The following POLN variants were observed in gnomAD, a reference collection of about 807,000 sequenced individuals.
The protein encoded by POLN is DNA polymerase nu.
In POLN, 108 loss-of-function variants were observed where a neutral mutation model predicts 113.5. That is an observed-to-expected ratio of 0.95 (90% CI 0.81 to 1.12). POLN has a LOEUF of 1.12. POLN is among the 50% of genes most tolerant of loss of function. POLN has a pLI of 0.00. For synonymous variants in POLN, 386 were observed against 391.5 expected, an observed-to-expected ratio of 0.99 and a Z score of 0.17; for missense variants, 1,097 against 1,077.1, an observed-to-expected ratio of 1.02 and a Z score of -0.26.
intron 16 of POLN, among the ~76,000 whole-genome samples, chr4:2,135,574 T>G: frequency 6.6e-6 from 1 of 152,170 alleles, no homozygotes; most frequent in Non-Finnish European, 1.5e-5. Context: ...GGTGTCTACG[T>G]GAGCAATTAG....
At chr4:2,138,629 C>T (rs996527975) in intron 16 of POLN, among the ~76,000 whole-genome samples, 1 of 152,114 alleles carries the variant, frequency 6.6e-6, no homozygotes, top group Non-Finnish European at 1.5e-5. Context: ...CAGCCAGGCA[C>T]GGTGGCTCAT....
In POLN at chr4:2,072,985, A is replaced by G. The variant is rs1730187653; in HGVS notation, c.2500T>C (p.Leu834=). ...CCCCTCACCTGAAGCTGCAGCTCCA[A>G]TGCCTGCACCTGTTCCAAGGACTCC... ...TMESLEQVQA[L]ELQLQVPLKV... The change falls in exon 25 of 26, where the codon TTG becomes CTG. Residue 834 remains leucine, a synonymous_variant. Coordinates refer to ENST00000511885, the MANE Select transcript of POLN (RefSeq NM_181808.4). 2.5e-6 allele frequency: 4 copies of G among 1,613,438 alleles called. No individual in the cohort carries two copies. Among genetic ancestry groups the G allele is most frequent in the Non-Finnish European group, 8.5e-7 (1 of 1,179,900 alleles).
At chr4:2,163,253 G>T (rs1732646200) in intron 13 of POLN, among the ~76,000 whole-genome samples, 1 of 152,198 alleles carries the variant, frequency 6.6e-6, no homozygotes, top group African/African-American at 2.4e-5. Flanking sequence ...TGCAGTTTTT[G>T]TAGAAAAGCT....
chr4:2,155,153 G>C (rs1732392122), intron 16 of POLN, among the ~76,000 whole-genome samples: 2 of 152,206 alleles, frequency 1.3e-5, no homozygotes, highest in African/African-American at 4.8e-5. Context: ...TCTTAGATAA[G>C]AAGTATCAAC....
At chr4:2,125,556 C>T (rs1194175154) in intron 19 of POLN, among the ~76,000 whole-genome samples, 1 of 152,190 alleles carries the variant, frequency 6.6e-6, no homozygotes, top group African/African-American at 2.4e-5. Flanking sequence ...CTGCCACCAC[C>T]TTGCAACTTC....
At chr4:2,119,298 T>A (rs1370312952) in intron 19 of POLN, among the ~76,000 whole-genome samples, 1 of 152,270 alleles carries the variant, frequency 6.6e-6, no homozygotes, top group Non-Finnish European at 1.5e-5. Context: ...ATAAAACTTT[T>A]AGGAATTCAC....
intron 19 of POLN, among the ~76,000 whole-genome samples, chr4:2,121,734 ATT>A (rs1731448717): frequency 6.6e-6 from 1 of 151,356 alleles, no homozygotes; most frequent in Admixed American, 6.6e-5. Flanking sequence ...ATCTATTTTC[ATT>A]TTTTGTCATC....
At chr4:2,140,600 AGC>A (rs1287746038) in intron 16 of POLN, among the ~76,000 whole-genome samples, 2 of 152,118 alleles carry the variant, frequency 1.3e-5, no homozygotes, top group African/African-American at 2.4e-5. Flanking sequence ...TACAAAAATT[AGC>A]CAGGTATGGT....
At chr4:2,240,550 T>C in intron 2 of POLN, 6 of 1,613,658 alleles carry the variant, frequency 3.7e-6, no homozygotes, top group Non-Finnish European at 5.1e-6. Flanking sequence ...CTCAGAGATT[T>C]GTGGCTAGTT....
At chr4:2,092,195 AGG>A (rs1000881051) in intron 20 of POLN, among the ~76,000 whole-genome samples, 1 of 152,128 alleles carries the variant, frequency 6.6e-6, no homozygotes, top group Non-Finnish European at 1.5e-5. Context: ...CCTCGGGAAC[AGG>A]CACTGAGCCA....
chr4:2,097,419 C>T (rs139973981), intron 19 of POLN, among the ~76,000 whole-genome samples: 4 of 150,014 alleles, frequency 2.7e-5, no homozygotes, highest in African/African-American at 7.4e-5. Context: ...GGTGCGATCT[C>T]GACTCACTGC....
chr4:2,238,831 T>C (rs762675689), intron 2 of POLN: 1 of 1,613,374 alleles, frequency 6.2e-7, no homozygotes, highest in South Asian at 1.1e-5. Context: ...TTAATTGATT[T>C]AAAACTAACT....
chr4:2,159,117 T>A (rs748232292), intron 14 of POLN, 38 bp downstream of exon 14: 9 of 1,475,310 alleles, frequency 6.1e-6, no homozygotes, highest in Non-Finnish European at 8.5e-6. Context: ...TTCCCCCTCA[T>A]CACCTTTTAC....
rs991478566 is a variant in POLN, at chr4:2,093,829, G to A, written c.2065+2022C>T. 6.6e-6 allele frequency among the ~76,000 whole-genome samples: 1 copy of A among 152,166 alleles called. No individual in the cohort carries two copies. Reference sequence around the variant, plus strand: ...TCTTAGTCTATTTTCCAAAAACCATGTATACAATCAAAATGTTTTCAAAAG... The same window carrying A: ...TCTTAGTCTATTTTCCAAAAACCATATATACAATCAAAATGTTTTCAAAAG... On this transcript the variant is annotated intron_variant, in intron 20 of 25. Transcript: ENST00000511885. The surrounding 1 kb of genome is among the most constrained non-coding windows in gnomAD (Gnocchi z 4.1).
chr4:2,111,591 CA>C lies in POLN; in HGVS notation c.1983-15659del, dbSNP rs553231592. Among the ~76,000 whole-genome samples the C allele has an allele frequency of 1.9e-3, 285 of 152,204 alleles. 1 individual carries two copies. Among genetic ancestry groups the C allele is most frequent in the African/African-American group, 6.5e-3 (270 of 41,538 alleles). On this transcript the variant is annotated intron_variant, in intron 19 of 25. Transcript: ENST00000511885. The stretch of plus-strand genomic sequence containing the variant: ...AAAAATTACAAGCATTCTTATACAC[CA>C]ATAACAGACAAACAGAGAGCCAAAT...
At chr4:2,135,435 T>C (rs1731830774) in intron 16 of POLN, among the ~76,000 whole-genome samples, 1 of 152,214 alleles carries the variant, frequency 6.6e-6, no homozygotes, top group African/African-American at 2.4e-5. Flanking sequence ...TGAATGTCTG[T>C]TCATGTGCAC....
At chr4:2,173,692 A>G (rs957055481) in intron 11 of POLN, among the ~76,000 whole-genome samples, 4 of 152,110 alleles carry the variant, frequency 2.6e-5, no homozygotes, top group African/African-American at 9.7e-5. Context: ...ACAGGGGACA[A>G]TGTCCCTGTA....
intron 17 of POLN, among the ~76,000 whole-genome samples, chr4:2,129,911 C>A (rs914399881): frequency 9.2e-5 from 14 of 151,952 alleles, no homozygotes; most frequent in African/African-American, 3.4e-4. Flanking sequence ...TGCTCAGGAT[C>A]CCTCTCCTTG....
intron 19 of POLN, among the ~76,000 whole-genome samples, chr4:2,105,035 C>T (rs930307572): frequency 6.6e-6 from 1 of 152,220 alleles, no homozygotes; most frequent in Admixed American, 6.5e-5. Context: ...CCCCACCATC[C>T]CAACTGAGCC....
Sources: allele counts gnomAD v4.1 joint callset (sites outside exome capture counted in the v4.1 genomes callset), GRCh38; gene constraint gnomAD v4.1.1; non-coding constraint Gnocchi (gnomAD v3.1); transcripts MANE v1.5; gene names NCBI Gene and HGNC (gene_info 2026-07-23, HGNC 2026-07-21).